Variants in DMD observed in about 807,000 individuals in gnomAD.
The protein encoded by DMD is mutant dystrophin.
A neutral mutation model predicts 330.1 loss-of-function variants in DMD; 63 were observed. That is an observed-to-expected ratio of 0.19 (90% confidence interval 0.16 to 0.24). The LOEUF (loss-of-function observed/expected upper bound fraction) is 0.24, where lower values mean the gene tolerates loss of function less well. Among genes scored for constraint, DMD ranks in the 10% least tolerant of loss-of-function variants. DMD has a pLI of 1.00. For missense variants in DMD, 3,344 were observed against 2,684.1 expected, an observed-to-expected ratio of 1.25 and a Z score of -5.43; for synonymous variants, 1,223 against 959.8, an observed-to-expected ratio of 1.27 and a Z score of -5.07.
At chrX:32,820,640 C>G (rs1458390787) in intron 5 of DMD, among the ~76,000 whole-genome samples, 1 of 110,990 alleles carries the variant, frequency 9.0e-6, no homozygotes, top group Non-Finnish European at 1.9e-5. Flanking sequence ...CCTTTTGGAG[C>G]TCTGTGCATG....
At chrX:31,460,201 A>C (rs1469868354) in intron 59 of DMD, among the ~76,000 whole-genome samples, 1 of 111,171 alleles carries the variant, frequency 9.0e-6, no homozygotes, top group East Asian at 2.8e-4. Flanking sequence ...TTCCTCAACC[A>C]CTTCAGCTAA....
intron 63 of DMD, among the ~76,000 whole-genome samples, chrX:31,242,700 A>ATGTGTGTGTG (rs3138883): frequency 0.011 from 1,078 of 95,071 alleles, 27 homozygotes; most frequent in East Asian, 0.057. Context: ...ACAATAAGAT[A>ATGTGTGTGTG]TGTGTGTGTG....
intron 53 of DMD, among the ~76,000 whole-genome samples, chrX:31,672,979 T>C (rs73214034): frequency 0.13 from 14,391 of 112,050 alleles, 742 homozygotes; most frequent in Admixed American, 0.22. Flanking sequence ...CTAGGGCTTT[T>C]CCTAGAAAGT....
chrX:32,831,690 G>A (rs868235396), intron 4 of DMD, among the ~76,000 whole-genome samples: 2 of 76,621 alleles, frequency 2.6e-5, no homozygotes, highest in African/African-American at 8.7e-5. Context: ...GTGTGTGTGT[G>A]TGTGTGTGAT....
intron 27 of DMD, among the ~76,000 whole-genome samples, chrX:32,445,223 C>T (rs1251994291): frequency 4.5e-5 from 5 of 110,629 alleles, no homozygotes; most frequent in Admixed American, 3.8e-4. Flanking sequence ...CTCAACAGAG[C>T]GAATCAAGTC....
At chrX:32,516,363 C>T (rs758940645) in intron 18 of DMD, among the ~76,000 whole-genome samples, 2 of 111,558 alleles carry the variant, frequency 1.8e-5, no homozygotes, top group South Asian at 7.5e-4. Flanking sequence ...AATGAGAGTT[C>T]AGGTTGATAA....
chrX:33,211,317 A>G lies in DMD; in HGVS notation c.-5T>C, dbSNP rs794726910. 4 of 1,209,288 alleles carry G rather than the reference A, an allele frequency of 3.3e-6. No homozygotes were observed. The Middle Eastern group carries it at 6.9e-4, about 209-fold the overall frequency. ...TACTTCTTCCCACCAAAGCATTTTG[A>G]AAAGTGTATATCAAGGCAGCGATAA... On this transcript the variant is annotated 5_prime_UTR_variant, in exon 1 of 79. Transcript: ENST00000357033.
chrX:31,131,956 C>T (rs1287245441), intron 77 of DMD, among the ~76,000 whole-genome samples: 1 of 111,891 alleles, frequency 8.9e-6, no homozygotes, highest in African/African-American at 3.2e-5. Context: ...GCCAGATTTT[C>T]CAATACCTTA....
At chrX:33,042,345 C>CAT (rs1266535508) in intron 1 of DMD, among the ~76,000 whole-genome samples, 1 of 111,902 alleles carries the variant, frequency 8.9e-6, no homozygotes, top group Non-Finnish European at 1.9e-5. Context: ...ATTAATATAT[C>CAT]ATTTCAAGTT....
intron 12 of DMD, among the ~76,000 whole-genome samples, chrX:32,605,432 C>A (rs1415095383): frequency 2.7e-5 from 3 of 110,008 alleles, no homozygotes; most frequent in East Asian, 5.7e-4. Context: ...AAATGTAAGA[C>A]CTGAAAATAT....
In DMD at chrX:32,389,507, A is replaced by G. The variant is rs909096762; in HGVS notation, c.4512T>C (p.His1504=). 9 of 1,211,027 alleles carry G rather than the reference A, an allele frequency of 7.4e-6. No individual in the cohort carries two copies. The highest frequency in any genetic ancestry group is 1.0e-5 in the Non-Finnish European group (9 of 894,892). The change falls in exon 32 of 79, where the codon CAT becomes CAC. Residue 1504 remains histidine, a synonymous_variant. Coordinates refer to ENST00000357033, the MANE Select transcript of DMD (RefSeq NM_004006.3). Reference sequence around the variant, plus strand: ...TGCCACCAGAAATACATACCACACAATGATTTAGCTGTGACTGTACTACTT... The same window carrying G: ...TGCCACCAGAAATACATACCACACAGTGATTTAGCTGTGACTGTACTACTT... ...EQEVVQSQLN[H]CVNLYKSLSE...
At chrX:31,946,582 A>G (rs2095090289) in intron 45 of DMD, among the ~76,000 whole-genome samples, 1 of 111,923 alleles carries the variant, frequency 8.9e-6, no homozygotes, top group Admixed American at 9.5e-5. Flanking sequence ...GAAGTAGACC[A>G]CTTCACTTAG....
At chrX:32,575,534 A>G (rs995632300) in intron 13 of DMD, among the ~76,000 whole-genome samples, 3 of 112,591 alleles carry the variant, frequency 2.7e-5, no homozygotes, top group African/African-American at 9.7e-5. Flanking sequence ...GCTTAAATCA[A>G]TGAATTTAGT....
chrX:31,571,097 A>G (rs4829227), intron 55 of DMD, among the ~76,000 whole-genome samples: 52,441 of 110,551 alleles, frequency 0.47, 10,368 homozygotes, highest in African/African-American at 0.76. Context: ...TGAAAAAATC[A>G]ATACTTTAAT....
At chrX:32,307,425 A>G (rs139705886) in intron 42 of DMD, among the ~76,000 whole-genome samples, 2,520 of 111,420 alleles carry the variant, frequency 0.023, 71 homozygotes, top group African/African-American at 0.077. Context: ...TAACTACCTG[A>G]CACTCATGAG....
chrX:31,852,823 C>G (rs2093553013), intron 48 of DMD, among the ~76,000 whole-genome samples: 2 of 112,248 alleles, frequency 1.8e-5, no homozygotes, highest in African/African-American at 6.5e-5. Context: ...AAATGCTTTT[C>G]TATAAACTCC....
At chrX:33,314,559 G>GTTTTTTTGT (rs2053900220) in intron 1 of DMD, among the ~76,000 whole-genome samples, 3 of 57,478 alleles carry the variant, frequency 5.2e-5, no homozygotes, top group African/African-American at 2.0e-4. Flanking sequence ...TGCCCAGCCT[G>GTTTTTTTGT]TTTTTTTTTT....
At chrX:33,252,801 A>T (rs995163181) in intron 1 of DMD, among the ~76,000 whole-genome samples, 1 of 111,979 alleles carries the variant, frequency 8.9e-6, no homozygotes. Flanking sequence ...ATAACCATTT[A>T]TTTGCTTAGC....
intron 45 of DMD, among the ~76,000 whole-genome samples, chrX:31,953,103 G>T (rs1026967864): frequency 6.2e-5 from 7 of 112,492 alleles, no homozygotes; most frequent in African/African-American, 1.6e-4. Flanking sequence ...TATTCAACAT[G>T]CAGGCACATT....
Sources: gnomAD v4.1 joint callset for allele counts (sites outside exome capture counted in the v4.1 genomes callset) on GRCh38, gnomAD v4.1.1 for gene constraint, MANE v1.5 for transcripts, NCBI Gene and HGNC (gene_info 2026-07-23, HGNC 2026-07-21) for gene names.